The following ALG11 variants were observed in gnomAD, a reference collection of about 807,000 sequenced individuals.
The protein encoded by ALG11 is GDP-Man:Man(3)GlcNAc(2)-PP-Dol alpha-1,2-mannosyltransferase.
In ALG11, 26 loss-of-function variants were observed where a neutral mutation model predicts 38.8. The ratio of observed to expected loss-of-function variants is 0.67; its 90% confidence interval spans 0.49 to 0.93. The LOEUF is 0.93. Ranked by LOEUF, ALG11 falls within the 40% of genes least tolerant of loss-of-function variation. The pLI, the probability that ALG11 is intolerant of heterozygous loss-of-function variation, is 0.00. For synonymous variants in ALG11, 199 were observed against 211.6 expected, an observed-to-expected ratio of 0.94 and a Z score of 0.52; for missense variants, 535 against 578.8, an observed-to-expected ratio of 0.92 and a Z score of 0.78.
chr13:52,023,272 T>C (rs1954201554), intron 2 of ALG11: 1 of 152,204 alleles, frequency 6.6e-6, no homozygotes, highest in Non-Finnish European at 1.5e-5. Context: ...CATTCATAAA[T>C]CAACACTTAC....
At chr13:52,028,285 T>TA (rs555711900) in intron 3 of ALG11, 34 bp from the exon 4 acceptor site, 5 of 1,613,952 alleles carry the variant, frequency 3.1e-6, no homozygotes, top group Non-Finnish European at 4.2e-6. Flanking sequence ...CTCAAAAACT[T>TA]AAAAGATTAC....
intron 1 of ALG11, among the ~76,000 whole-genome samples, chr13:52,013,379 A>G (rs1954102589): frequency 6.6e-6 from 1 of 152,254 alleles, no homozygotes; most frequent in Non-Finnish European, 1.5e-5. Flanking sequence ...TTCTGTAATC[A>G]TTACTTTAAA....
chr13:52,027,342 G>A (rs1194225809), intron 3 of ALG11, among the ~76,000 whole-genome samples: 1 of 152,132 alleles, frequency 6.6e-6, no homozygotes, highest in Non-Finnish European at 1.5e-5. Flanking sequence ...TGATAGGAAG[G>A]AGCCAGTAGA....
intron 3 of ALG11, among the ~76,000 whole-genome samples, chr13:52,026,257 T>G (rs1593904487): frequency 6.7e-6 from 1 of 149,504 alleles, no homozygotes; most frequent in East Asian, 2.0e-4. Flanking sequence ...GAGGGGAGAG[T>G]CTCCAGCAGA....
rs1470028656 is a variant in ALG11, at chr13:52,029,892, T to C, written c.*1302T>C. 1 of 1,614,148 alleles carries C rather than the reference T, an allele frequency of 6.2e-7. No homozygotes were observed. Among genetic ancestry groups the C allele is most frequent in the Non-Finnish European group, 8.5e-7 (1 of 1,180,030 alleles). Reference sequence around the variant, plus strand: ...CTTGTCCCTCATGTAGCGAATGAAGTGCAGATGAATGTGGACGGACCGAAT... The same window carrying C: ...CTTGTCCCTCATGTAGCGAATGAAGCGCAGATGAATGTGGACGGACCGAAT... On this transcript the variant is annotated 3_prime_UTR_variant, in exon 4 of 4. Coordinates refer to ENST00000521508, the MANE Select transcript of ALG11 (RefSeq NM_001004127.3).
At position 52,028,692 on chromosome 13, in the gene ALG11, T is replaced by G; in HGVS notation, c.*102T>G. On this transcript the variant is annotated 3_prime_UTR_variant, in exon 4 of 4. Coordinates refer to ENST00000521508, the MANE Select transcript of ALG11 (RefSeq NM_001004127.3). ...AATCTCATTTGTCAAATCATTTTACTTTAGAAAACAGACAAAATTTCCTTT... is the reference window on the plus strand; with the variant it reads ...AATCTCATTTGTCAAATCATTTTACGTTAGAAAACAGACAAAATTTCCTTT... 6.4e-7 allele frequency: 1 copy of G among 1,568,486 alleles called. No homozygotes were observed. Among genetic ancestry groups the G allele is most frequent in the Non-Finnish European group, 8.7e-7 (1 of 1,149,286 alleles).
chr13:52,015,168 C>T (rs928959143), intron 1 of ALG11, among the ~76,000 whole-genome samples: 4 of 152,170 alleles, frequency 2.6e-5, no homozygotes, highest in Non-Finnish European at 4.4e-5. Flanking sequence ...TTTGGAAGGC[C>T]AAGGCAGGAG....
chr13:52,018,911 A>T lies in ALG11; in HGVS notation c.45-2A>T, dbSNP rs376678620. ...ATTCTCAACTTTGTCCTCTTATTTC[A>T]GGTTTTTTTATTCATTATTCTTCCC... On this transcript the variant is annotated splice_acceptor_variant, in intron 1 of 3. Coordinates refer to ENST00000521508, the MANE Select transcript of ALG11 (RefSeq NM_001004127.3). LOFTEE classifies it high-confidence loss of function. 1 of 1,612,906 alleles carries T rather than the reference A, an allele frequency of 6.2e-7. No homozygotes were observed. The highest frequency in any genetic ancestry group is 8.5e-7 in the Non-Finnish European group (1 of 1,179,056).
At position 52,024,298 on chromosome 13, in the gene ALG11, G is replaced by T; in HGVS notation, c.568G>T (p.Gly190Cys). 1 of 1,614,040 alleles carries T rather than the reference G, an allele frequency of 6.2e-7. No individual in the cohort carries two copies. The highest frequency in any genetic ancestry group is 8.5e-7 in the Non-Finnish European group (1 of 1,180,016). ...GCTTCCTCTGTTTAAGTATATAGGG[G>T]GTTGCCAAGTTGGAAGCTATGTTCA... ...FTLPLFKYIG[G>C]CQVGSYVHYP... is the part of the protein sequence containing the mutation. Residue 190 changes from glycine to cysteine, a missense_variant, in exon 3 of 4, where the codon GGT becomes TGT. By Grantham distance (159) the Gly-to-Cys change is radical. Transcript: ENST00000521508.
chr13:52,019,774 C>T (rs1353846836), intron 2 of ALG11, among the ~76,000 whole-genome samples: 4 of 152,156 alleles, frequency 2.6e-5, no homozygotes, highest in Admixed American at 1.3e-4. Flanking sequence ...AACCCTGTCT[C>T]TACAAAAAAT....
chr13:52,027,850 T>TA (rs1303186097), intron 3 of ALG11, among the ~76,000 whole-genome samples: 8 of 152,374 alleles, frequency 5.3e-5, no homozygotes, highest in African/African-American at 1.9e-4. Flanking sequence ...GTTTTTCTAA[T>TA]ACCTGTTAAT....
Position 52,012,465 on chromosome 13 carries a change from G to C in ALG11, c.44+3G>C, listed in dbSNP as rs1272984190. The stretch of plus-strand genomic sequence containing the variant: ...TGGTGCCTGTGCAAGTTGTTGAGGT[G>C]AGCAGCCGGTCGTGTGGGCTCACAG... On this transcript the variant is annotated splice_donor_region_variant and intron_variant, in intron 1 of 3. Transcript: ENST00000521508. 6.2e-7 allele frequency: 1 copy of C among 1,614,166 alleles called. No individual in the cohort carries two copies. Among genetic ancestry groups the C allele is most frequent in the South Asian group, 1.1e-5 (1 of 91,078 alleles).
In ALG11 at chr13:52,029,722, G is replaced by A. The variant is rs767801268; in HGVS notation, c.*1132G>A. The A allele has an allele frequency of 6.2e-7, 1 of 1,614,218 alleles. No homozygotes were observed. Among genetic ancestry groups the A allele is most frequent in the Non-Finnish European group, 8.5e-7 (1 of 1,180,044 alleles). ...ACCAAAACAGTGGGAAATGGGCCAA[G>A]TCAAAGGCAATTATGGCCAAATATG... On this transcript the variant is annotated 3_prime_UTR_variant, in exon 4 of 4. Transcript: ENST00000521508.
In ALG11 at chr13:52,018,218, G is replaced by A. The variant is rs1343055320; in HGVS notation, c.45-695G>A. Among the ~76,000 whole-genome samples, 5 of 152,310 alleles carry A rather than the reference G, an allele frequency of 3.3e-5. No individual in the cohort carries two copies. In the East Asian group the frequency reaches 5.8e-4, roughly 18 times the overall value. ...TGAGCAAGCCTGGGCCCTTGCTTTTGCAGAGCTTCAATCGACCTGACAGCA... is the reference window on the plus strand; with the variant it reads ...TGAGCAAGCCTGGGCCCTTGCTTTTACAGAGCTTCAATCGACCTGACAGCA... On this transcript the variant is annotated intron_variant, in intron 1 of 3. Transcript: ENST00000521508.
Position 52,029,322 on chromosome 13 carries a change from C to T in ALG11, c.*732C>T, listed in dbSNP as rs373225319. The T allele has an allele frequency of 3.7e-5, 59 of 1,614,122 alleles. No homozygotes were observed. The highest frequency in any genetic ancestry group is 1.6e-4 in the African/African-American group (12 of 75,026). On this transcript the variant is annotated 3_prime_UTR_variant, in exon 4 of 4. Coordinates refer to ENST00000521508, the MANE Select transcript of ALG11 (RefSeq NM_001004127.3). Reference sequence around the variant, plus strand: ...CCAGCCATTGCTCCCATTGAACATGCGCTCAGTGGCTGGAAGGCAAGAACT... The same window carrying T: ...CCAGCCATTGCTCCCATTGAACATGTGCTCAGTGGCTGGAAGGCAAGAACT...
At position 52,030,530 on chromosome 13, in the gene ALG11, C is replaced by T. The variant is rs562055329; in HGVS notation, c.*1940C>T. ...TCCTTCCGTGAGGTCTTTGGCAGTT[C>T]CCACAATAATAGAGGAGCTGGAAGA... is the stretch of plus-strand genomic sequence containing the variant. On this transcript the variant is annotated 3_prime_UTR_variant, in exon 4 of 4. Coordinates refer to ENST00000521508, the MANE Select transcript of ALG11 (RefSeq NM_001004127.3). The T allele has an allele frequency of 2.0e-5, 32 of 1,614,156 alleles. No homozygotes were observed. The Admixed American group carries it at 4.7e-4, about 24-fold the overall frequency.
chr13:52,023,960 A>C (rs373209186), intron 2 of ALG11, 46 bp from the exon 3 acceptor site: 915 of 1,590,092 alleles, frequency 5.8e-4, no homozygotes, highest in Non-Finnish European at 7.1e-4. Flanking sequence ...GTGTCTGGCT[A>C]ATTTTTGTAA....
intron 3 of ALG11, 108 bp from the exon 4 acceptor site, chr13:52,028,206 TAATTA>T: frequency 8.1e-7 from 1 of 1,236,812 alleles, no homozygotes; most frequent in Non-Finnish European, 1.2e-6. Context: ...GACATACATT[TAATTA>T]AGTTTCTCAT....
chr13:52,014,013 GAA>G (rs369936044), intron 1 of ALG11, among the ~76,000 whole-genome samples: 50 of 152,296 alleles, frequency 3.3e-4, no homozygotes, highest in African/African-American at 1.2e-3. Flanking sequence ...CTGACATTAA[GAA>G]ACTGCATAAC....
Sources: gnomAD v4.1 joint callset for allele counts (sites outside exome capture counted in the v4.1 genomes callset) on GRCh38, gnomAD v4.1.1 for gene constraint, MANE v1.5 for transcripts, NCBI Gene and HGNC (gene_info 2026-07-23, HGNC 2026-07-21) for gene names.